Variants in DCSTAMP observed in about 807,000 individuals in gnomAD.
The protein encoded by DCSTAMP is dendritic cell-specific transmembrane protein.
A neutral mutation model predicts 33.8 loss-of-function variants in DCSTAMP; 25 were observed. The ratio of observed to expected loss-of-function variants is 0.74; its 90% confidence interval spans 0.54 to 1.03. DCSTAMP has a LOEUF of 1.03. Among genes scored for constraint, DCSTAMP ranks in the 50% least tolerant of loss-of-function variants. The probability of loss-of-function intolerance (pLI) is 0.00; values close to 1 mark genes in which losing one functional copy is unlikely to be tolerated. For missense variants in DCSTAMP, 531 were observed against 556.8 expected (o/e 0.95, Z 0.47); for synonymous variants, 245 against 216.7 (o/e 1.13, Z -1.15).
chr8:104,345,605 C>T lies in DCSTAMP; in HGVS notation c.-12-2936C>T, dbSNP rs540107575. Among the ~76,000 whole-genome samples, 16 of 151,998 alleles carry T rather than the reference C, an allele frequency of 1.1e-4. 1 individual carries two copies. Among genetic ancestry groups the T allele is most frequent in the African/African-American group, 2.9e-4 (12 of 41,450 alleles). ...ATTGATACTAGATTTTATTGCAGAA[C>T]GTTAAAATGTTAATGTGTCCATAAA... On this transcript the variant is annotated intron_variant, in intron 1 of 3. Transcript: ENST00000297581.
intron 2 of DCSTAMP, among the ~76,000 whole-genome samples, chr8:104,354,505 G>A (rs1297253410): frequency 2.6e-5 from 4 of 152,158 alleles, no homozygotes; most frequent in African/African-American, 9.7e-5. Flanking sequence ...GATCAAATTT[G>A]TTAGGAAAAC....
intron 2 of DCSTAMP, among the ~76,000 whole-genome samples, chr8:104,353,765 T>C (rs1312947839): frequency 6.6e-6 from 1 of 152,202 alleles, no homozygotes; most frequent in Non-Finnish European, 1.5e-5. Context: ...TGTAGTTGGG[T>C]TCTTTTTGAG....
chr8:104,356,206 C>A lies in DCSTAMP; in HGVS notation c.*8C>A. ...AGTGCAGACAAGTCATGAGAGACCC[C>A]GACTACTCCTCAGCCACATCGCACC... On this transcript the variant is annotated 3_prime_UTR_variant, in exon 4 of 4. Coordinates refer to ENST00000297581, the MANE Select transcript of DCSTAMP (RefSeq NM_030788.4). The A allele has an allele frequency of 6.2e-7, 1 of 1,609,420 alleles. No individual in the cohort carries two copies. The highest frequency in any genetic ancestry group is 1.1e-5 in the South Asian group (1 of 90,104).
intron 3 of DCSTAMP, 122 bp downstream of exon 3, chr8:104,355,307 T>A: frequency 1.0e-6 from 1 of 981,974 alleles, no homozygotes; most frequent in Non-Finnish European, 1.5e-6. Context: ...ACCCCAGCAG[T>A]AGATAGGACA....
At chr8:104,350,543 C>G (rs1163074072) in intron 2 of DCSTAMP, among the ~76,000 whole-genome samples, 2 of 152,234 alleles carry the variant, frequency 1.3e-5, no homozygotes, top group Admixed American at 6.5e-5. Context: ...AAAAATGCTA[C>G]ACAGCTACAC....
intron 1 of DCSTAMP, among the ~76,000 whole-genome samples, chr8:104,341,929 C>A (rs1231612714): frequency 6.6e-6 from 1 of 152,056 alleles, no homozygotes; most frequent in African/African-American, 2.4e-5. Context: ...GGTATTGTAT[C>A]CTGGGGACAC....
intron 1 of DCSTAMP, among the ~76,000 whole-genome samples, chr8:104,344,941 G>A (rs1810260711): frequency 1.3e-5 from 2 of 152,086 alleles, no homozygotes; most frequent in African/African-American, 4.8e-5. Context: ...GTACAATCCA[G>A]CTCCTATCTC....
At chr8:104,351,198 A>G (rs1810451812) in intron 2 of DCSTAMP, among the ~76,000 whole-genome samples, 1 of 149,354 alleles carries the variant, frequency 6.7e-6, no homozygotes, top group South Asian at 2.1e-4. Flanking sequence ...CTCTGTGGAT[A>G]TTTGTGCTTA....
intron 2 of DCSTAMP, among the ~76,000 whole-genome samples, chr8:104,352,703 G>A (rs563833013): frequency 7.6e-4 from 116 of 152,298 alleles, no homozygotes; most frequent in African/African-American, 2.6e-3. Context: ...GGGGCACAAA[G>A]ATGTCTAGGT....
At position 104,355,172 on chromosome 8, in the gene DCSTAMP, T is replaced by C. The variant is rs1168805460; in HGVS notation, c.1325T>C (p.Leu442Pro). The change falls in exon 3 of 4, where the codon CTC (leucine) becomes CCC (proline). Residue 442 changes from leucine to proline, a missense_variant. Physicochemically the swap from Leu to Pro is moderately conservative, Grantham distance 98. Transcript: ENST00000297581. ...PLGEVKRRLS[L>P]YLTKIHFWLP... ...GGAGAAGTCAAAAGACGGCTGAGTC[T>C]CTATCTTACAAAGGTAAGGCCAAGA... The C allele has an allele frequency of 6.2e-7, 1 of 1,613,008 alleles. No homozygotes were observed. Among genetic ancestry groups the C allele is most frequent in the South Asian group, 1.1e-5 (1 of 90,944 alleles).
At chr8:104,356,046 C>A in intron 3 of DCSTAMP, 78 bp from the exon 4 acceptor site, 3 of 1,313,118 alleles carry the variant, frequency 2.3e-6, no homozygotes, top group Admixed American at 2.1e-5. Flanking sequence ...TTTAACCCCA[C>A]AATGAAAAAT....
intron 1 of DCSTAMP, among the ~76,000 whole-genome samples, chr8:104,346,817 G>A (rs1388980980): frequency 2.6e-5 from 4 of 152,068 alleles, no homozygotes; most frequent in South Asian, 4.2e-4. Flanking sequence ...AACCTCATTC[G>A]GCCTGAACAC....
rs565620634 is a variant in DCSTAMP, at chr8:104,353,934, G to A, written c.1030-943G>A. ...GGCAGGATCTGGTCCATTAACTCCT[G>A]TTTTGCCAAATTAGAAAAGAAATCC... On this transcript the variant is annotated intron_variant, in intron 2 of 3. Coordinates refer to ENST00000297581, the MANE Select transcript of DCSTAMP (RefSeq NM_030788.4). Among the ~76,000 whole-genome samples, 3 of 152,322 alleles carry A rather than the reference G, an allele frequency of 2.0e-5. No homozygotes were observed. The South Asian group carries it at 6.2e-4, about 32-fold the overall frequency.
chr8:104,340,255 G>A (rs1326451623), intron 1 of DCSTAMP: 1 of 152,188 alleles, frequency 6.6e-6, no homozygotes, highest in Non-Finnish European at 1.5e-5. Flanking sequence ...TTACCTAGTA[G>A]CGTTCATTAA....
rs961244295 is a variant in DCSTAMP, at chr8:104,349,552, T to C, written c.1000T>C (p.Phe334Leu). ...CAAGCAGTTTCAAAGCTTGCCAGGGTTTGAGGTTCACTTGAAACTGCACGG... is the reference window on the plus strand; with the variant it reads ...CAAGCAGTTTCAAAGCTTGCCAGGGCTTGAGGTTCACTTGAAACTGCACGG... ...VSKQFQSLPG[F>L]EVHLKLHGEK... Residue 334 changes from phenylalanine (F) to leucine (L), a missense_variant, in exon 2 of 4, where the codon TTT becomes CTT. Coordinates refer to ENST00000297581, the MANE Select transcript of DCSTAMP (RefSeq NM_030788.4). 2 of 1,613,242 alleles carry C rather than the reference T, an allele frequency of 1.2e-6. No individual in the cohort carries two copies. Among genetic ancestry groups the C allele is most frequent in the South Asian group, 2.2e-5 (2 of 90,848 alleles).
chr8:104,347,687 C>T (rs778517777), intron 1 of DCSTAMP, among the ~76,000 whole-genome samples: 9 of 152,122 alleles, frequency 5.9e-5, no homozygotes, highest in Admixed American at 1.3e-4. Context: ...GGCAGTTGGA[C>T]GGCTATTGGC....
intron 1 of DCSTAMP, among the ~76,000 whole-genome samples, chr8:104,345,312 G>A (rs186065523): frequency 2.6e-4 from 39 of 152,188 alleles, no homozygotes; most frequent in African/African-American, 8.9e-4. Flanking sequence ...GGAAAATGAG[G>A]AACAGAGAAG....
At chr8:104,349,948 C>T (rs1325349195) in intron 2 of DCSTAMP, among the ~76,000 whole-genome samples, 5 of 152,090 alleles carry the variant, frequency 3.3e-5, no homozygotes, top group Admixed American at 2.0e-4. Context: ...TTCTAGTGGC[C>T]GATGGCATCC....
intron 2 of DCSTAMP, among the ~76,000 whole-genome samples, chr8:104,351,938 A>T (rs954804524): frequency 5.9e-5 from 9 of 152,170 alleles, no homozygotes; most frequent in African/African-American, 1.9e-4. Flanking sequence ...TCTTTTTTTA[A>T]AAAGATTATT....
Sources: allele counts gnomAD v4.1 joint callset (sites outside exome capture counted in the v4.1 genomes callset), GRCh38; gene constraint gnomAD v4.1.1; transcripts MANE v1.5; gene names NCBI Gene and HGNC (gene_info 2026-07-23, HGNC 2026-07-21).